Variants in RBBP5 observed in about 807,000 individuals in gnomAD.
The protein encoded by RBBP5 is RB binding protein 5, histone lysine methyltransferase complex subunit, also known as retinoblastoma-binding protein 5.
A neutral mutation model predicts 72.2 loss-of-function variants in RBBP5; 5 were observed. That is an observed-to-expected ratio of 0.07 (90% CI 0.04 to 0.15). RBBP5 has a LOEUF of 0.15. Among genes scored for constraint, RBBP5 ranks in the 10% least tolerant of loss-of-function variants. RBBP5 has a pLI of 1.00. For missense variants in RBBP5, 322 were observed against 652.2 expected, an observed-to-expected ratio of 0.49 and a Z score of 5.51; for synonymous variants, 209 against 237.2, an observed-to-expected ratio of 0.88 and a Z score of 1.09.
At chr1:205,120,046 G>A (rs1162876120) in intron 1 of RBBP5, among the ~76,000 whole-genome samples, 1 of 152,066 alleles carries the variant, frequency 6.6e-6, no homozygotes, top group Non-Finnish European at 1.5e-5. Flanking sequence ...TTTATCAACA[G>A]CATCATTATT....
At chr1:205,096,616 G>C in intron 12 of RBBP5, 66 bp downstream of exon 12, 1 of 1,429,644 alleles carries the variant, frequency 7.0e-7, no homozygotes, top group East Asian at 2.3e-5. Flanking sequence ...GAAATTACCA[G>C]GTTGCGCTGG....
chr1:205,090,690 C>T (rs1023115790), intron 13 of RBBP5, among the ~76,000 whole-genome samples: 1 of 152,102 alleles, frequency 6.6e-6, no homozygotes, highest in African/African-American at 2.4e-5. Flanking sequence ...CTCAAAATGA[C>T]CAGCTATTAT....
rs539496933 is a variant in RBBP5 at position 205,098,832 on chromosome 1, G to A, written c.1096+157C>T. 2.0e-4 allele frequency among the ~76,000 whole-genome samples: 24 copies of A among 119,454 alleles called. No homozygotes were observed. The Admixed American group carries it at 2.2e-3, about 11-fold the overall frequency. The allele number at this position is 119,454 out of a possible 152,430, so 78.4% of individuals were successfully genotyped here. A position where few individuals can be genotyped will look rare whatever the true frequency, so the allele number is the denominator to read the frequency against. On this transcript the variant is annotated intron_variant, in intron 10 of 13. Transcript: ENST00000264515. The stretch of plus-strand genomic sequence containing the variant: ...TGCATCCAGCCTGGGTGACAAGAGC[G>A]AAATTCCATCTCAAAAAAAAAAAAA...
chr1:205,104,366 T>C (rs2102295952), intron 4 of RBBP5, among the ~76,000 whole-genome samples: 1 of 149,338 alleles, frequency 6.7e-6, no homozygotes, highest in East Asian at 2.0e-4. Flanking sequence ...CTACTAAAAA[T>C]ACAAAAACTT....
chr1:205,104,005 A>G lies in RBBP5; in HGVS notation c.374T>C (p.Val125Ala). 6.2e-7 allele frequency: 1 copy of G among 1,613,706 alleles called. No individual in the cohort carries two copies. The highest frequency in any genetic ancestry group is 1.1e-5 in the South Asian group (1 of 91,078). Residue 125 changes from valine to alanine, a missense_variant, in exon 5 of 14, where the codon GTG becomes GCG. Physicochemically the swap from Val to Ala is moderately conservative, Grantham distance 64. This residue lies in a region of RBBP5 where 161 missense variants were observed against 327.8 expected (regional missense o/e 0.49). Transcript: ENST00000264515. The stretch of plus-strand genomic sequence containing the variant: ...GACAGGAGCAGATTTCATGGGACAC[A>G]CGAGAACCTTGTTCCTGTTTAAAAA... ...YHPRDQNKVLVCPMKSAPVML... is the reference protein window; with the variant it reads ...YHPRDQNKVLACPMKSAPVML...
At chr1:205,089,596 T>C (rs1655258030) in intron 13 of RBBP5, among the ~76,000 whole-genome samples, 3 of 152,188 alleles carry the variant, frequency 2.0e-5, no homozygotes, top group South Asian at 4.1e-4. Flanking sequence ...GAAAGAAAAG[T>C]ACCCATTTAT....
intron 13 of RBBP5, chr1:205,091,716 T>C (rs1304468208): frequency 6.6e-6 from 1 of 152,208 alleles, no homozygotes; most frequent in Non-Finnish European, 1.5e-5. Context: ...TTCATCTAAC[T>C]TGGGTAGTAA....
chr1:205,113,685 T>TG (rs1656406823), intron 3 of RBBP5, among the ~76,000 whole-genome samples: 1 of 57,730 alleles, frequency 1.7e-5, no homozygotes, highest in Non-Finnish European at 4.6e-5. Context: ...TAAAAATGTG[T>TG]ATTTTTTTTT....
chr1:205,117,550 C>T (rs530976337), intron 1 of RBBP5, among the ~76,000 whole-genome samples: 73 of 151,890 alleles, frequency 4.8e-4, no homozygotes, highest in African/African-American at 1.8e-3. Flanking sequence ...ATCCCAGCTA[C>T]TCCAGAGGCT....
At chr1:205,101,748 A>C in intron 5 of RBBP5, 39 bp from the exon 6 acceptor site, 1 of 1,361,888 alleles carries the variant, frequency 7.3e-7, no homozygotes, top group South Asian at 1.2e-5. Context: ...TAAGTGTTCC[A>C]ATAACTAACA....
chr1:205,095,176 T>C, intron 12 of RBBP5, 112 bp from the exon 13 acceptor site: 1 of 1,010,422 alleles, frequency 9.9e-7, no homozygotes. Flanking sequence ...AATTAATAAT[T>C]ATAAAGAGAA....
chr1:205,103,468 T>C (rs1283870285), intron 5 of RBBP5, among the ~76,000 whole-genome samples: 1 of 152,176 alleles, frequency 6.6e-6, no homozygotes, highest in African/African-American at 2.4e-5. Context: ...AGTCAGAAGT[T>C]TGAAGGAAAA....
At chr1:205,093,554 A>ACG (rs1553352213) in intron 13 of RBBP5, among the ~76,000 whole-genome samples, 7 of 123,434 alleles carry the variant, frequency 5.7e-5, no homozygotes, top group Admixed American at 8.8e-5. Context: ...ACACACACAC[A>ACG]CACACACACA....
intron 6 of RBBP5, among the ~76,000 whole-genome samples, chr1:205,100,768 C>T (rs2102283444): frequency 6.6e-6 from 1 of 152,294 alleles, no homozygotes; most frequent in Admixed American, 6.5e-5. Flanking sequence ...GAATTTTGAA[C>T]ATTAATATCC....
rs148678039 is a variant in RBBP5 at position 205,112,352 on chromosome 1, C to G, written c.218+2437G>C. Among the ~76,000 whole-genome samples the G allele has an allele frequency of 1.2e-4, 18 of 152,184 alleles. 1 individual carries two copies. In the East Asian group the frequency reaches 3.5e-3, roughly 29 times the overall value. On this transcript the variant is annotated intron_variant, in intron 3 of 13. Coordinates refer to ENST00000264515, the MANE Select transcript of RBBP5 (RefSeq NM_005057.4). ...AAAATAAAATACAGTTATAAATTAT[C>G]TCATCTATGACGGCTTTTCTGACCG...
intron 3 of RBBP5, among the ~76,000 whole-genome samples, chr1:205,113,736 G>A (rs201412772): frequency 6.7e-6 from 1 of 149,062 alleles, no homozygotes; most frequent in Admixed American, 6.8e-5. Flanking sequence ...CCAGGCTAGA[G>A]TGCAGTGGCA....
At chr1:205,115,004 A>C (rs1656465254) in intron 2 of RBBP5, 43 bp from the exon 3 acceptor site, 1 of 1,491,590 alleles carries the variant, frequency 6.7e-7, no homozygotes, top group Admixed American at 2.1e-5. Context: ...AACAATAGCC[A>C]GGTATCCAAA....
At position 205,088,826 on chromosome 1, in the gene RBBP5, T is replaced by G; in HGVS notation, c.1589-11A>C. The G allele has an allele frequency of 1.9e-6, 3 of 1,570,424 alleles. No individual in the cohort carries two copies. The highest frequency in any genetic ancestry group is 2.6e-6 in the Non-Finnish European group (3 of 1,159,432). On this transcript the variant is annotated splice_polypyrimidine_tract_variant and intron_variant, in intron 13 of 13. Transcript: ENST00000264515. ...AGATTGCTCCTCCTGCTAAAGAGAT[T>G]AGACACAAAAAGATTTCTTTTAGCT...
At chr1:205,100,396 T>C (rs1655772915) in intron 6 of RBBP5, 125 bp from the exon 7 acceptor site, 1 of 1,217,638 alleles carries the variant, frequency 8.2e-7, no homozygotes, top group Non-Finnish European at 1.1e-6. Context: ...TATTTATATA[T>C]CTACTTGTCA....
Sources: gnomAD v4.1 joint callset for allele counts (sites outside exome capture counted in the v4.1 genomes callset) on GRCh38, gnomAD v4.1.1 for gene constraint, gnomAD v4.1.1 regional missense constraint, MANE v1.5 for transcripts, NCBI Gene and HGNC (gene_info 2026-07-23, HGNC 2026-07-21) for gene names.